Variants in PDGFD observed in about 807,000 individuals in gnomAD.
PDGFD encodes the protein platelet derived growth factor D.
A neutral mutation model predicts 44.7 loss-of-function variants in PDGFD; 30 were observed. That is an observed-to-expected ratio of 0.67 (90% CI 0.50 to 0.91). The LOEUF is 0.91. Among genes scored for constraint, PDGFD ranks in the 40% least tolerant of loss-of-function variants. PDGFD has a pLI of 0.00. For missense variants in PDGFD, 445 were observed against 457.8 expected (o/e 0.97, Z 0.25); for synonymous variants, 173 against 168.4 (o/e 1.03, Z -0.21).
chr11:104,079,255 A>G (rs1426818001), intron 1 of PDGFD, among the ~76,000 whole-genome samples: 3 of 152,198 alleles, frequency 2.0e-5, no homozygotes, highest in Non-Finnish European at 4.4e-5. Flanking sequence ...GATAGTATTT[A>G]CTCAAGAAAG....
At chr11:103,980,118 T>C (rs1385131067) in intron 3 of PDGFD, among the ~76,000 whole-genome samples, 1 of 152,142 alleles carries the variant, frequency 6.6e-6, no homozygotes, top group Non-Finnish European at 1.5e-5. Context: ...TATTTCTTTT[T>C]TATCTGTTAC....
intron 1 of PDGFD, among the ~76,000 whole-genome samples, chr11:104,094,481 A>C (rs1245085127): frequency 6.6e-6 from 1 of 152,086 alleles, no homozygotes; most frequent in Non-Finnish European, 1.5e-5. Flanking sequence ...CAAGCATCTC[A>C]AACTTCACTT....
At chr11:104,032,423 C>T (rs553040149) in intron 1 of PDGFD, among the ~76,000 whole-genome samples, 10 of 152,138 alleles carry the variant, frequency 6.6e-5, no homozygotes, top group African/African-American at 1.9e-4. Flanking sequence ...CTTGATTACA[C>T]GTTAAAGGTA....
At position 103,909,596 on chromosome 11, in the gene PDGFD, A is replaced by G. The variant is rs923854154; in HGVS notation, c.*98T>C. ...ACTTGTGTTCATTGCATTGCAGGCTAGTAGTAAGTTTGGTTGCTGGTAGGA... is the reference window on the plus strand; with the variant it reads ...ACTTGTGTTCATTGCATTGCAGGCTGGTAGTAAGTTTGGTTGCTGGTAGGA... On this transcript the variant is annotated 3_prime_UTR_variant, in exon 7 of 7. Transcript: ENST00000393158. 3.5e-6 allele frequency: 5 copies of G among 1,446,082 alleles called. No individual in the cohort carries two copies. Among genetic ancestry groups the G allele is most frequent in the African/African-American group, 2.8e-5 (2 of 71,420 alleles). 89.6% of individuals were successfully genotyped at this position (1,446,082 alleles called of 1,614,324 possible).
chr11:104,135,951 T>C (rs1411340670), intron 1 of PDGFD, among the ~76,000 whole-genome samples: 1 of 152,122 alleles, frequency 6.6e-6, no homozygotes, highest in African/African-American at 2.4e-5. Context: ...AGTGGAACCA[T>C]TAACTCTCTG....
intron 1 of PDGFD, among the ~76,000 whole-genome samples, chr11:104,125,192 CCTT>C (rs1861824711): frequency 6.6e-6 from 1 of 152,098 alleles, no homozygotes; most frequent in Admixed American, 6.6e-5. Context: ...AAATGTGTCT[CCTT>C]CACAGCATGG....
At chr11:104,025,363 A>T (rs1860026525) in intron 1 of PDGFD, among the ~76,000 whole-genome samples, 2 of 152,216 alleles carry the variant, frequency 1.3e-5, no homozygotes, top group Admixed American at 6.5e-5. Context: ...CTTTCCGTCA[A>T]ATCTACATGA....
At chr11:103,983,230 C>G (rs778683431) in intron 3 of PDGFD, among the ~76,000 whole-genome samples, 9 of 151,562 alleles carry the variant, frequency 5.9e-5, no homozygotes, top group Non-Finnish European at 1.0e-4. Flanking sequence ...ATACCTAGAC[C>G]AATGGAATAG....
chr11:104,040,650 T>C (rs995221864), intron 1 of PDGFD, among the ~76,000 whole-genome samples: 1 of 152,030 alleles, frequency 6.6e-6, no homozygotes, highest in Non-Finnish European at 1.5e-5. Flanking sequence ...AAGCCCATTT[T>C]GCAGATGGAA....
At chr11:104,126,368 G>A (rs1861841249) in intron 1 of PDGFD, among the ~76,000 whole-genome samples, 2 of 152,144 alleles carry the variant, frequency 1.3e-5, no homozygotes, top group Admixed American at 6.5e-5. Context: ...TAAGCAGTAA[G>A]AAACCTCACT....
At chr11:104,012,113 A>C (rs1242199649) in intron 1 of PDGFD, among the ~76,000 whole-genome samples, 3 of 152,192 alleles carry the variant, frequency 2.0e-5, no homozygotes, top group African/African-American at 7.2e-5. Context: ...GGAGGCTTTC[A>C]AGAGAATTAC....
chr11:104,010,135 CTGTTTATAAAGATT>C (rs1341140470), intron 1 of PDGFD, among the ~76,000 whole-genome samples: 1 of 151,152 alleles, frequency 6.6e-6, no homozygotes, highest in African/African-American at 2.4e-5. Context: ...CAAAACTTTT[CTGTTTATAAAGATT>C]TGGGGAAGGA....
intron 1 of PDGFD, among the ~76,000 whole-genome samples, chr11:104,045,706 A>G (rs962251958): frequency 1.5e-4 from 20 of 137,866 alleles, no homozygotes; most frequent in African/African-American, 5.2e-4. Context: ...AGGAATAGAA[A>G]CTTCAGAAGA....
chr11:103,958,040 T>C (rs1030496515), intron 3 of PDGFD, among the ~76,000 whole-genome samples: 1 of 152,094 alleles, frequency 6.6e-6, no homozygotes, highest in Non-Finnish European at 1.5e-5. Context: ...TTGTGACTAG[T>C]TGTTTAGCAT....
chr11:104,087,365 C>T (rs1391601593), intron 1 of PDGFD, among the ~76,000 whole-genome samples: 1 of 151,874 alleles, frequency 6.6e-6, no homozygotes, highest in Non-Finnish European at 1.5e-5. Context: ...CCTGCCACCA[C>T]GCCTGCCTAA....
intron 1 of PDGFD, among the ~76,000 whole-genome samples, chr11:104,058,899 T>C (rs1051130352): frequency 2.0e-5 from 3 of 152,328 alleles, no homozygotes; most frequent in Non-Finnish European, 2.9e-5. Context: ...GTATACTGCA[T>C]GATTCCATTA....
intron 5 of PDGFD, among the ~76,000 whole-genome samples, chr11:103,931,497 T>A (rs139918774): frequency 2.0e-5 from 3 of 152,368 alleles, no homozygotes; most frequent in East Asian, 3.8e-4. Flanking sequence ...TAGAATCACA[T>A]GCTTTTTTCT....
In PDGFD at chr11:104,000,381, T is replaced by A. The variant is rs3824936; in HGVS notation, c.125-126A>T. On this transcript the variant is annotated intron_variant, in intron 1 of 6. Transcript: ENST00000393158. ...CTTTATTTTGCCTAAAAACATTAAG[T>A]CTAAATGCAAATAAACAAACTTTTT... The A allele has an allele frequency of 0.33, 273,405 of 820,482 alleles. 49,702 individuals are homozygous for A. The highest frequency in any genetic ancestry group is 0.53 in the Admixed American group (19,556 of 37,048). 50.8% of individuals were successfully genotyped at this position (820,482 alleles called of 1,614,324 possible).
chr11:104,142,302 T>C (rs1055528519), intron 1 of PDGFD, among the ~76,000 whole-genome samples: 1 of 152,152 alleles, frequency 6.6e-6, no homozygotes, highest in Non-Finnish European at 1.5e-5. Context: ...AACATGTATT[T>C]ATAAAAGTAA....
Sources: allele counts gnomAD v4.1 joint callset (sites outside exome capture counted in the v4.1 genomes callset), GRCh38; gene constraint gnomAD v4.1.1; transcripts MANE v1.5; gene names NCBI Gene and HGNC (gene_info 2026-07-23, HGNC 2026-07-21).